USP49: variants seen among roughly 807,000 people sequenced by gnomAD.
USP49 encodes ubiquitin carboxyl-terminal hydrolase 49.
USP49 carries 24 observed loss-of-function variants against 58.6 expected under a neutral mutation model. That is an observed-to-expected ratio of 0.41 (90% confidence interval 0.30 to 0.58). The LOEUF is 0.58. USP49 is among the 20% of genes least tolerant of loss of function. USP49 has a pLI of 0.30. For synonymous variants in USP49, 408 were observed against 365.1 expected (o/e 1.12, Z -1.34); for missense variants, 703 against 866.1 (o/e 0.81, Z 2.36).
chr6:41,893,165 T>G (rs906963612), intron 1 of USP49, among the ~76,000 whole-genome samples: 2 of 152,318 alleles, frequency 1.3e-5, no homozygotes, highest in East Asian at 3.9e-4. Flanking sequence ...ATAAATTTAT[T>G]TGCCCTAAAA....
chr6:41,796,945 A>ATTTTT (rs5875772), intron 7 of USP49, among the ~76,000 whole-genome samples: 3 of 107,764 alleles, frequency 2.8e-5, no homozygotes, highest in African/African-American at 7.5e-5. Flanking sequence ...ACTGACTGCA[A>ATTTTT]TTTTTTTTTT....
At chr6:41,834,046 T>G (rs376977192) in intron 3 of USP49, among the ~76,000 whole-genome samples, 1 of 152,200 alleles carries the variant, frequency 6.6e-6, no homozygotes, top group African/African-American at 2.4e-5. Context: ...GCTAAGAACA[T>G]TGAAACATGC....
At chr6:41,817,022 T>C (rs1279648067) in intron 3 of USP49, among the ~76,000 whole-genome samples, 2 of 151,800 alleles carry the variant, frequency 1.3e-5, no homozygotes, top group Non-Finnish European at 2.9e-5. Context: ...ATTATTATTT[T>C]AGAGACAGAA....
intron 2 of USP49, among the ~76,000 whole-genome samples, chr6:41,890,027 T>C (rs1174044435): frequency 6.6e-6 from 1 of 152,222 alleles, no homozygotes; most frequent in Non-Finnish European, 1.5e-5. Context: ...GTTTCAAATT[T>C]CAAACAATTC....
In USP49 at chr6:41,793,545, CA is replaced by C. The variant is rs1357023631; in HGVS notation, c.*2987del. ...AAGTGCTGGGATTACAGGCATGAGC[CA>C]CCGCGCCCAGCCTGGAAATTCTTTA... On this transcript the variant is annotated 3_prime_UTR_variant, in exon 8 of 8. Coordinates refer to ENST00000682992, the MANE Select transcript of USP49 (RefSeq NM_001286554.2). 1 of 152,826 alleles carries C rather than the reference CA, an allele frequency of 6.5e-6. No homozygotes were observed. Among genetic ancestry groups the C allele is most frequent in the African/African-American group, 2.4e-5 (1 of 41,452 alleles). 9.5% of individuals were successfully genotyped at this position (152,826 alleles called of 1,614,324 possible).
At chr6:41,822,163 T>C (rs1039345797) in intron 3 of USP49, among the ~76,000 whole-genome samples, 3 of 152,226 alleles carry the variant, frequency 2.0e-5, no homozygotes, top group Admixed American at 1.3e-4. Context: ...ATTTCACACT[T>C]GCAACTTGAG....
intron 3 of USP49, among the ~76,000 whole-genome samples, chr6:41,817,331 A>C (rs935179844): frequency 6.8e-6 from 1 of 147,608 alleles, no homozygotes; most frequent in Non-Finnish European, 1.5e-5. Context: ...TATTTTGAGT[A>C]GTGACTGGGT....
chr6:41,796,844 A>G (rs1772894504), intron 7 of USP49, 121 bp from the exon 8 acceptor site: 1 of 607,822 alleles, frequency 1.6e-6, no homozygotes, highest in Non-Finnish European at 3.0e-6. Context: ...ACCCTCGATT[A>G]TTGGTGGGGA....
chr6:41,803,451 C>T lies in USP49; in HGVS notation c.1561+355G>A. On this transcript the variant is annotated intron_variant, in intron 5 of 7. Transcript: ENST00000682992. The surrounding 1 kb of genome is among the most constrained non-coding windows in gnomAD (Gnocchi z 4.1). ...CCCGAGTAGCTGGGATTACAGGCAT[C>T]TGCCACTATGCCCAGCTAATTTTTG... is the stretch of plus-strand genomic sequence containing the variant. 6.6e-6 allele frequency among the ~76,000 whole-genome samples: 1 copy of T among 152,238 alleles called. No individual in the cohort carries two copies. Among genetic ancestry groups the T allele is most frequent in the South Asian group, 2.1e-4 (1 of 4,826 alleles).
At chr6:41,798,702 C>T (rs748679532) in intron 7 of USP49, 22 bp downstream of exon 7, 3 of 1,613,894 alleles carry the variant, frequency 1.9e-6, no homozygotes, top group Non-Finnish European at 2.5e-6. Context: ...GTCCCCCACC[C>T]CACAGAGTAA....
chr6:41,817,297 A>ATGGG (rs1773372217), intron 3 of USP49, among the ~76,000 whole-genome samples: 2 of 149,462 alleles, frequency 1.3e-5, no homozygotes, highest in Admixed American at 1.3e-4. Flanking sequence ...ACAGGCACAC[A>ATGGG]CCACCATGCC....
At chr6:41,856,542 A>G (rs1774135253) in intron 3 of USP49, among the ~76,000 whole-genome samples, 1 of 152,212 alleles carries the variant, frequency 6.6e-6, no homozygotes. Flanking sequence ...AGACAAGCTA[A>G]CATGCAACTT....
chr6:41,877,233 A>C (rs961731996), intron 2 of USP49, among the ~76,000 whole-genome samples: 50 of 152,366 alleles, frequency 3.3e-4, no homozygotes, highest in Admixed American at 1.2e-3. Context: ...AGATGTTTGA[A>C]TTATTGTGAA....
rs1561904631 is a variant in USP49, at chr6:41,806,609, G to T, written c.375C>A (p.Asp125Glu). 1 of 1,609,734 alleles carries T rather than the reference G, an allele frequency of 6.2e-7. No homozygotes were observed. Among genetic ancestry groups the T allele is most frequent in the Non-Finnish European group, 8.5e-7 (1 of 1,179,106 alleles). Reference sequence around the variant, plus strand: ...GAGGAGCGCGCTGCGGCAGGACCACGTCCTCACCCGAAGCCATGGACCGCA... The same window carrying T: ...GAGGAGCGCGCTGCGGCAGGACCACTTCCTCACCCGAAGCCATGGACCGCA... ...RTLRSMASGE[D>E]VVLPQRAPQG... is the part of the protein sequence containing the mutation. Residue 125 changes from aspartate (D) to glutamate (E), a missense_variant, in exon 4 of 8, where the codon GAC (aspartate) becomes GAA (glutamate). Physicochemically the swap from Asp to Glu is conservative, Grantham distance 45. Coordinates refer to ENST00000682992, the MANE Select transcript of USP49 (RefSeq NM_001286554.2). The surrounding 1 kb of genome is among the most constrained non-coding windows in gnomAD (Gnocchi z 5.9).
chr6:41,848,155 T>G (rs2127349040), intron 3 of USP49, among the ~76,000 whole-genome samples: 1 of 152,192 alleles, frequency 6.6e-6, no homozygotes, highest in South Asian at 2.1e-4. Flanking sequence ...TGCTGTAACT[T>G]TAAAGATGAT....
rs148881682 is a variant in USP49, at chr6:41,806,003, C to T, written c.981G>A (p.Arg327=). 499 of 1,613,952 alleles carry T rather than the reference C, an allele frequency of 3.1e-4. No individual in the cohort carries two copies. In the African/African-American group the frequency reaches 5.5e-3, roughly 18 times the overall value. ...LRNDRAEACE[R]EGFCWNGRAS... Reference sequence around the variant, plus strand: ...CCCTGCCGTTCCAGCAGAAGCCCTCCCGCTCGCATGCCTCGGCCCTGTCAT... The same window carrying T: ...CCCTGCCGTTCCAGCAGAAGCCCTCTCGCTCGCATGCCTCGGCCCTGTCAT... Residue 327 remains arginine, a synonymous_variant, in exon 4 of 8, where the codon CGG becomes CGA. Transcript: ENST00000682992. The surrounding 1 kb of genome is among the most constrained non-coding windows in gnomAD (Gnocchi z 5.9).
rs557026973 is a variant in USP49, at chr6:41,880,222, A to AC, written c.-102-8586dup. 1.7e-4 allele frequency among the ~76,000 whole-genome samples: 26 copies of AC among 152,176 alleles called. 1 individual carries two copies. Among genetic ancestry groups the AC allele is most frequent in the South Asian group, 1.5e-3 (7 of 4,810 alleles). On this transcript the variant is annotated intron_variant, in intron 2 of 7. Coordinates refer to ENST00000682992, the MANE Select transcript of USP49 (RefSeq NM_001286554.2). The stretch of plus-strand genomic sequence containing the variant: ...AAGGTCTTAAGATGAAGTTCAAGAC[A>AC]CCCCCCAGAAAGTAGAATAAAGAGA...
At chr6:41,820,181 G>GTT (rs58334288) in intron 3 of USP49, among the ~76,000 whole-genome samples, 2 of 148,030 alleles carry the variant, frequency 1.4e-5, no homozygotes, top group African/African-American at 2.5e-5. Context: ...TACATCATTA[G>GTT]TTTTTTTTTT....
chr6:41,841,854 C>T (rs1376363120), intron 3 of USP49, among the ~76,000 whole-genome samples: 1 of 152,126 alleles, frequency 6.6e-6, no homozygotes, highest in East Asian at 1.9e-4. Flanking sequence ...GTCAGGAGTT[C>T]AAGACCAGCC....
Sources: allele counts gnomAD v4.1 joint callset (sites outside exome capture counted in the v4.1 genomes callset), GRCh38; gene constraint gnomAD v4.1.1; non-coding constraint Gnocchi (gnomAD v3.1); transcripts MANE v1.5; gene names NCBI Gene and HGNC (gene_info 2026-07-23, HGNC 2026-07-21).